Variants in DGKG observed in about 807,000 individuals in gnomAD.
DGKG encodes diacylglycerol kinase gamma.
A neutral mutation model predicts 105.3 loss-of-function variants in DGKG; 78 were observed. The ratio of observed to expected loss-of-function variants is 0.74; its 90% CI spans 0.62 to 0.89. The LOEUF (loss-of-function observed/expected upper bound fraction) is 0.89, where lower values mean the gene tolerates loss of function less well. DGKG is among the 40% of genes least tolerant of loss of function. The pLI, the probability that DGKG is intolerant of heterozygous loss-of-function variation, is 0.00. For missense variants in DGKG, 958 were observed against 1,020.1 expected (o/e 0.94, Z 0.83); for synonymous variants, 346 against 367.1 (o/e 0.94, Z 0.66).
At position 186,258,051 on chromosome 3, in the gene DGKG, T is replaced by C. The variant is rs1578736779; in HGVS notation, c.1425-112A>G. 6.4e-6 allele frequency: 5 copies of C among 787,366 alleles called. No homozygotes were observed. In the East Asian group the frequency reaches 1.3e-4, roughly 20 times the overall value. The allele number at this position is 787,366 out of a possible 1,614,324, so 48.8% of individuals were successfully genotyped here. On this transcript the variant is annotated intron_variant, in intron 16 of 24. Coordinates refer to ENST00000265022, the MANE Select transcript of DGKG (RefSeq NM_001346.3). ...CCCAGGAGTATGTTAAGACCTCGAT[T>C]CCTTTTGTGGTTGAAAGGGTCACTC...
rs73885844 is a variant in DGKG at position 186,323,069 on chromosome 3, T to G, written c.-248-2362A>C. On this transcript the variant is annotated intron_variant, in intron 1 of 24. Transcript: ENST00000265022. ...TCCTGCTGCTCTCCCTGCCTTGCGC[T>G]TTGTTCTCCTCCCCTTGGTCTGCTC... Among the ~76,000 whole-genome samples the G allele has an allele frequency of 4.6e-3, 698 of 152,284 alleles. 4 individuals are homozygous for G. Among genetic ancestry groups the G allele is most frequent in the African/African-American group, 0.016 (647 of 41,560 alleles).
intron 6 of DGKG, among the ~76,000 whole-genome samples, chr3:186,285,903 T>C (rs1267334495): frequency 6.6e-6 from 1 of 152,116 alleles, no homozygotes; most frequent in Non-Finnish European, 1.5e-5. Context: ...GGTCTCAAAC[T>C]CCCGACCTCA....
At chr3:186,344,298 C>A (rs1170332466) in intron 1 of DGKG, among the ~76,000 whole-genome samples, 1 of 152,156 alleles carries the variant, frequency 6.6e-6, no homozygotes, top group Non-Finnish European at 1.5e-5. Flanking sequence ...ATGTTCACTG[C>A]AGCACTATTC....
intron 2 of DGKG, among the ~76,000 whole-genome samples, chr3:186,315,461 C>A (rs1446917618): frequency 6.6e-6 from 1 of 152,138 alleles, no homozygotes; most frequent in African/African-American, 2.4e-5. Flanking sequence ...CTTACCAACT[C>A]TCAAACAAGT....
At chr3:186,206,494 T>A (rs1718745553) in intron 21 of DGKG, among the ~76,000 whole-genome samples, 1 of 152,200 alleles carries the variant, frequency 6.6e-6, no homozygotes, top group African/African-American at 2.4e-5. Flanking sequence ...AGTTGAAGCC[T>A]GTCTGGTTTG....
intron 15 of DGKG, 37 bp downstream of exon 15, chr3:186,261,662 C>T (rs1721781883): frequency 6.8e-7 from 1 of 1,460,504 alleles, no homozygotes; most frequent in South Asian, 1.2e-5. Context: ...AGTCGTGTCG[C>T]CCTAGTTGCT....
chr3:186,246,680 CAAAT>C (rs1236543672), intron 19 of DGKG, among the ~76,000 whole-genome samples: 2 of 152,176 alleles, frequency 1.3e-5, no homozygotes, highest in Admixed American at 6.5e-5. Flanking sequence ...TCACAGGTGA[CAAAT>C]AACCTGGTGC....
intron 1 of DGKG, among the ~76,000 whole-genome samples, chr3:186,332,834 C>T (rs1725663453): frequency 6.6e-6 from 1 of 152,044 alleles, no homozygotes; most frequent in Non-Finnish European, 1.5e-5. Flanking sequence ...GGACACTGCC[C>T]TAGTGAATGG....
Position 186,211,824 on chromosome 3 carries a change from T to G in DGKG, c.1888A>C (p.Lys630Gln). The stretch of plus-strand genomic sequence containing the variant: ...AACTCAATGTGGTCGTGGAGTTTCT[T>G]GCAGGTCGCTGCAAAAGTCTCCGAG... The part of the protein sequence containing the change: ...GTSETFAATC[K>Q]KLHDHIELEC... Residue 630 changes from lysine (K) to glutamine (Q), a missense_variant, in exon 21 of 25, where the codon AAG becomes CAG. By Grantham distance (53) the Lys-to-Gln change is moderately conservative (BLOSUM62 1). Transcript: ENST00000265022. The G allele has an allele frequency of 6.2e-7, 1 of 1,614,242 alleles. No homozygotes were observed. Among genetic ancestry groups the G allele is most frequent in the Non-Finnish European group, 8.5e-7 (1 of 1,180,036 alleles).
At chr3:186,206,827 G>C (rs6776161) in intron 21 of DGKG, among the ~76,000 whole-genome samples, 4,646 of 151,884 alleles carry the variant, frequency 0.031, 216 homozygotes, top group African/African-American at 0.11. Context: ...TCCACTCACT[G>C]CAACCTCTGC....
chr3:186,171,854 G>A (rs1181668514), intron 22 of DGKG, among the ~76,000 whole-genome samples: 1 of 150,476 alleles, frequency 6.6e-6, no homozygotes, highest in Non-Finnish European at 1.5e-5. Flanking sequence ...CATCCCAGTT[G>A]CTTTTTTTTT....
intron 3 of DGKG, among the ~76,000 whole-genome samples, chr3:186,299,829 CTTTCTTTCTTT>C (rs1723816612): frequency 7.4e-5 from 8 of 107,720 alleles, no homozygotes; most frequent in South Asian, 3.1e-4. Flanking sequence ...TTCTTTCTTT[CTTTCTTTCTTT>C]TTTTTTTTTT....
At chr3:186,288,646 T>C in intron 6 of DGKG, 64 bp downstream of exon 6, 6 of 1,549,200 alleles carry the variant, frequency 3.9e-6, no homozygotes, top group South Asian at 1.1e-5. Flanking sequence ...TTAGGAATAA[T>C]GGATAGAACC....
rs375480424 is a variant in DGKG, at chr3:186,188,246, C to T, written c.2051G>A (p.Arg684Lys). Residue 684 changes from arginine to lysine, a missense_variant, in exon 22 of 25, where the codon AGG becomes AAG. Physicochemically the swap from Arg to Lys is conservative, Grantham distance 26. Coordinates refer to ENST00000265022, the MANE Select transcript of DGKG (RefSeq NM_001346.3). ...TTCTTTGGGGTCAGTGACACCCTTC[C>T]TGCTTTCCCGGATCACAGCCCGGTT... Reference protein sequence around the residue: ...KKNRAVIRESRKGVTDPKELK... With the variant: ...KKNRAVIRESKKGVTDPKELK... The T allele has an allele frequency of 6.2e-7, 1 of 1,614,186 alleles. No homozygotes were observed. Among genetic ancestry groups the T allele is most frequent in the Non-Finnish European group, 8.5e-7 (1 of 1,180,038 alleles).
chr3:186,275,331 G>T (rs1008035751), intron 10 of DGKG, among the ~76,000 whole-genome samples: 1 of 152,148 alleles, frequency 6.6e-6, no homozygotes, highest in Non-Finnish European at 1.5e-5. Flanking sequence ...CTCATAAAAA[G>T]CCTCCAATAA....
intron 5 of DGKG, among the ~76,000 whole-genome samples, chr3:186,294,852 C>A (rs185709575): frequency 6.6e-6 from 1 of 152,136 alleles, no homozygotes; most frequent in Admixed American, 6.5e-5. Flanking sequence ...AGGGCATGGA[C>A]GAGCCAGCAA....
In DGKG at chr3:186,165,021, G is replaced by A. The variant is rs1716471062; in HGVS notation, c.2096-3C>T. 6.2e-7 allele frequency: 1 copy of A among 1,611,804 alleles called. No homozygotes were observed. Among genetic ancestry groups the A allele is most frequent in the South Asian group, 1.1e-5 (1 of 90,832 alleles). Reference sequence around the variant, plus strand: ...TTCAAGGAGCTGGTCACTGAGGTCTGCAGAGCGAGACAGCAAAAGTAGTGC... The same window carrying A: ...TTCAAGGAGCTGGTCACTGAGGTCTACAGAGCGAGACAGCAAAAGTAGTGC... On this transcript the variant is annotated splice_region_variant and splice_polypyrimidine_tract_variant and intron_variant, in intron 22 of 24. Coordinates refer to ENST00000265022, the MANE Select transcript of DGKG (RefSeq NM_001346.3).
At chr3:186,348,371 T>TC (rs1352627781) in intron 1 of DGKG, among the ~76,000 whole-genome samples, 1 of 150,438 alleles carries the variant, frequency 6.6e-6, no homozygotes, top group East Asian at 1.9e-4. Context: ...TGGGTGCTTT[T>TC]TTTTTTTTTT....
At chr3:186,338,481 A>G (rs1725936156) in intron 1 of DGKG, among the ~76,000 whole-genome samples, 1 of 152,112 alleles carries the variant, frequency 6.6e-6, no homozygotes, top group Non-Finnish European at 1.5e-5. Context: ...AGAACTAGTA[A>G]ACGTCATTTT....
Sources: allele counts gnomAD v4.1 joint callset (sites outside exome capture counted in the v4.1 genomes callset), GRCh38; gene constraint gnomAD v4.1.1; transcripts MANE v1.5; gene names NCBI Gene and HGNC (gene_info 2026-07-23, HGNC 2026-07-21).